The following IL36B variants were observed in gnomAD, a reference collection of about 807,000 sequenced individuals.
IL36B encodes interleukin-36 beta.
In IL36B, 23 loss-of-function variants were observed where a neutral mutation model predicts 19.3. The observed-to-expected ratio is 1.19, with a 90% confidence interval of 0.86 to 1.69. The LOEUF (loss-of-function observed/expected upper bound fraction) is 1.69, where lower values mean the gene tolerates loss of function less well. IL36B is among the 40% of genes most tolerant of loss of function. The pLI is 0.00. For synonymous variants in IL36B, 59 were observed against 59.7 expected (o/e 0.99, Z 0.05); for missense variants, 217 against 200.5 (o/e 1.08, Z -0.50).
chr2:113,037,675 C>T (rs989886724), intron 1 of IL36B, among the ~76,000 whole-genome samples: 1 of 151,588 alleles, frequency 6.6e-6, no homozygotes, highest in South Asian at 2.1e-4. Context: ...TCCAAATGGT[C>T]TATACTTTCT....
intron 5 of IL36B, among the ~76,000 whole-genome samples, chr2:113,023,506 C>T (rs746187541): frequency 6.6e-6 from 1 of 152,172 alleles, no homozygotes; most frequent in Non-Finnish European, 1.5e-5. Context: ...ACTGTACGAG[C>T]AATAGAGAAC....
chr2:113,047,485 A>G (rs765219348), intron 1 of IL36B, among the ~76,000 whole-genome samples: 3 of 152,188 alleles, frequency 2.0e-5, no homozygotes, highest in Non-Finnish European at 4.4e-5. Flanking sequence ...CCGTAGTGTA[A>G]TTAAGGCTCT....
chr2:113,028,236 G>A (rs1220866676), intron 4 of IL36B, 121 bp from the exon 5 acceptor site: 7 of 754,104 alleles, frequency 9.3e-6, no homozygotes, highest in Non-Finnish European at 1.5e-5. Context: ...AGAGGCTAGG[G>A]ACAAAGGCAG....
chr2:113,041,700 A>G (rs1004454158), intron 1 of IL36B, among the ~76,000 whole-genome samples: 2 of 152,238 alleles, frequency 1.3e-5, no homozygotes, highest in Admixed American at 6.5e-5. Flanking sequence ...CTGATATTCA[A>G]CATATATAAA....
intron 1 of IL36B, among the ~76,000 whole-genome samples, chr2:113,033,518 C>A (rs958332668): frequency 6.6e-6 from 1 of 152,176 alleles, no homozygotes; most frequent in Non-Finnish European, 1.5e-5. Flanking sequence ...GGATTACAGG[C>A]GTGAGCCACT....
intron 1 of IL36B, among the ~76,000 whole-genome samples, chr2:113,032,405 C>T (rs1286164038): frequency 6.6e-6 from 1 of 152,036 alleles, no homozygotes; most frequent in African/African-American, 2.4e-5. Flanking sequence ...AGAACAGTCC[C>T]CAAGAATATC....
In IL36B at chr2:113,047,808, A is replaced by G. The variant is rs542271738; in HGVS notation, c.-58+5009T>C. Among the ~76,000 whole-genome samples the G allele has an allele frequency of 1.4e-4, 21 of 152,330 alleles. 1 individual carries two copies. The highest frequency in any genetic ancestry group is 6.8e-3 in the Middle Eastern group (2 of 294). On this transcript the variant is annotated intron_variant, in intron 1 of 5. Transcript: ENST00000259213. The stretch of plus-strand genomic sequence containing the variant: ...AAAGTGGTATAAAAAAATTAAAGGT[A>G]GACTTTAATTAAGAATATGTATTGG...
intron 1 of IL36B, among the ~76,000 whole-genome samples, chr2:113,032,612 A>G (rs191117514): frequency 1.2e-4 from 19 of 152,350 alleles, no homozygotes; most frequent in Admixed American, 6.5e-4. Flanking sequence ...ACACAGAGAC[A>G]TGAAAGAAGT....
At position 113,029,000 on chromosome 2, in the gene IL36B, T is replaced by C. The variant is rs1685017806; in HGVS notation, c.200A>G (p.Lys67Arg). ...ACAGAAGAGACAGAGATCTTTTCCCTTGATTCCCAGGTAAACCATATTACC... is the reference window on the plus strand; with the variant it reads ...ACAGAAGAGACAGAGATCTTTTCCCCTGATTCCCAGGTAAACCATATTACC... The change falls in exon 4 of 6, where the codon AAG becomes AGG. Residue 67 changes from lysine (K) to arginine (R), a missense_variant. Physicochemically the swap from Lys to Arg is conservative, Grantham distance 26. Transcript: ENST00000259213. The C allele has an allele frequency of 1.2e-6, 2 of 1,614,164 alleles. No individual in the cohort carries two copies. Among genetic ancestry groups the C allele is most frequent in the African/African-American group, 1.3e-5 (1 of 75,076 alleles).
intron 5 of IL36B, among the ~76,000 whole-genome samples, chr2:113,023,386 G>A (rs751980379): frequency 6.6e-6 from 1 of 152,182 alleles, no homozygotes; most frequent in South Asian, 2.1e-4. Context: ...AGTGGCTTTG[G>A]CCTTGGTCAG....
chr2:113,043,213 A>G (rs1685292243), intron 1 of IL36B, among the ~76,000 whole-genome samples: 1 of 152,098 alleles, frequency 6.6e-6, no homozygotes, highest in Non-Finnish European at 1.5e-5. Context: ...CATTACAAGT[A>G]TTTTTCCCAG....
intron 1 of IL36B, among the ~76,000 whole-genome samples, chr2:113,050,476 T>A (rs1192633201): frequency 3.3e-5 from 5 of 152,152 alleles, no homozygotes; most frequent in Non-Finnish European, 7.3e-5. Context: ...TATTGTTTTG[T>A]AGGTACAAAA....
In IL36B at chr2:113,042,211, G is replaced by A. The variant is rs932466887; in HGVS notation, c.-57-10445C>T. Among the ~76,000 whole-genome samples, 16 of 152,142 alleles carry A rather than the reference G, an allele frequency of 1.1e-4. No homozygotes were observed. The East Asian group carries it at 1.7e-3, about 16-fold the overall frequency. ...TGGAACCTCTATTAGGGCAGGAGTC[G>A]TCTTGCCTTTCCGAGCTTCTCACTA... is the stretch of plus-strand genomic sequence containing the variant. On this transcript the variant is annotated intron_variant, in intron 1 of 5. Transcript: ENST00000259213.
chr2:113,029,560 C>T (rs1406240903), intron 3 of IL36B, among the ~76,000 whole-genome samples: 1 of 152,188 alleles, frequency 6.6e-6, no homozygotes, highest in Non-Finnish European at 1.5e-5. Context: ...TCAAGGATGT[C>T]TCCTGTATTT....
chr2:113,033,732 C>T (rs894013457), intron 1 of IL36B, among the ~76,000 whole-genome samples: 3 of 152,156 alleles, frequency 2.0e-5, no homozygotes, highest in African/African-American at 7.2e-5. Flanking sequence ...CTGCACTAGC[C>T]GGAACACAGT....
chr2:113,029,696 G>A (rs1210717953), intron 3 of IL36B, among the ~76,000 whole-genome samples: 1 of 152,190 alleles, frequency 6.6e-6, no homozygotes, highest in East Asian at 1.9e-4. Context: ...ACCTCAAGAG[G>A]ACACGGGTAA....
chr2:113,049,526 C>T (rs1027485786), intron 1 of IL36B, among the ~76,000 whole-genome samples: 1 of 152,136 alleles, frequency 6.6e-6, no homozygotes, highest in African/African-American at 2.4e-5. Flanking sequence ...AGCCAATAAG[C>T]ACATGAAAGG....
At chr2:113,028,810 A>G in intron 4 of IL36B, 129 bp downstream of exon 4, 2 of 891,824 alleles carry the variant, frequency 2.2e-6, no homozygotes, top group Non-Finnish European at 3.3e-6. Context: ...GGGATCAGCC[A>G]GGTCAGAATT....
intron 1 of IL36B, among the ~76,000 whole-genome samples, chr2:113,049,604 C>T (rs1339565206): frequency 6.6e-6 from 1 of 152,146 alleles, no homozygotes; most frequent in African/African-American, 2.4e-5. Flanking sequence ...CTATTTCACA[C>T]CCATTAAGAT....
Sources: gnomAD v4.1 joint callset for allele counts (sites outside exome capture counted in the v4.1 genomes callset) on GRCh38, gnomAD v4.1.1 for gene constraint, MANE v1.5 for transcripts, NCBI Gene and HGNC (gene_info 2026-07-23, HGNC 2026-07-21) for gene names.